KIAA1217: variants seen among roughly 807,000 people sequenced by gnomAD.
KIAA1217 encodes the protein KIAA1217.
KIAA1217 carries 88 observed loss-of-function variants against 163.9 expected under a neutral mutation model. The ratio of observed to expected loss-of-function variants is 0.54; its 90% CI spans 0.45 to 0.64. The LOEUF (loss-of-function observed/expected upper bound fraction) is 0.64. KIAA1217 is among the 30% of genes least tolerant of loss of function. The probability of loss-of-function intolerance (pLI) is 0.00; values close to 1 mark genes in which losing one functional copy is unlikely to be tolerated. For synonymous variants in KIAA1217, 903 were observed against 923.1 expected (o/e 0.98, Z 0.39); for missense variants, 2,372 against 2,475.0 (o/e 0.96, Z 0.88).
At chr10:24,011,307 G>A (rs764126569) in intron 2 of KIAA1217, among the ~76,000 whole-genome samples, 3 of 151,936 alleles carry the variant, frequency 2.0e-5, no homozygotes, top group African/African-American at 7.3e-5. Context: ...ACAACATAGC[G>A]AGACCCCATC....
chr10:24,535,851 T>TA (rs2073930024), intron 16 of KIAA1217, among the ~76,000 whole-genome samples: 1 of 100,924 alleles, frequency 9.9e-6, no homozygotes, highest in Non-Finnish European at 2.2e-5. Flanking sequence ...ACTTTGGGAG[T>TA]TAAAAAAAAA....
intron 3 of KIAA1217, among the ~76,000 whole-genome samples, chr10:24,406,759 A>G (rs768019302): frequency 9.2e-5 from 14 of 152,238 alleles, no homozygotes; most frequent in Non-Finnish European, 1.6e-4. Context: ...AATCAGGTGT[A>G]TTATTGAACA....
chr10:24,077,156 T>C (rs1478361163), intron 2 of KIAA1217, among the ~76,000 whole-genome samples: 1 of 152,122 alleles, frequency 6.6e-6, no homozygotes, highest in African/African-American at 2.4e-5. Context: ...AGATTACAGG[T>C]GTGAGCCACT....
chr10:24,452,222 C>T (rs894944727), intron 5 of KIAA1217, among the ~76,000 whole-genome samples: 3 of 152,154 alleles, frequency 2.0e-5, no homozygotes, highest in African/African-American at 7.2e-5. Flanking sequence ...GTCATAGATA[C>T]TCTGTCCGCT....
intron 2 of KIAA1217, among the ~76,000 whole-genome samples, chr10:24,321,291 T>A (rs1301508199): frequency 6.6e-6 from 1 of 152,078 alleles, no homozygotes; most frequent in Admixed American, 6.6e-5. Flanking sequence ...CCCAGCACTA[T>A]GAGAGGCTAA....
intron 1 of KIAA1217, among the ~76,000 whole-genome samples, chr10:23,946,408 C>T (rs1264759852): frequency 1.3e-5 from 2 of 150,720 alleles, no homozygotes; most frequent in African/African-American, 4.9e-5. Flanking sequence ...TGATTTATTT[C>T]AGGGGTTCAG....
chr10:23,856,386 G>A (rs1052354176), intron 1 of KIAA1217, among the ~76,000 whole-genome samples: 4 of 152,240 alleles, frequency 2.6e-5, no homozygotes, highest in Admixed American at 6.5e-5. Context: ...TGTCTCAGAA[G>A]AGTACCCGTC....
At chr10:24,486,904 C>T (rs2065474634) in intron 6 of KIAA1217, among the ~76,000 whole-genome samples, 1 of 152,136 alleles carries the variant, frequency 6.6e-6, no homozygotes, top group Non-Finnish European at 1.5e-5. Flanking sequence ...TTGTTCATGT[C>T]TATGTCCTTA....
chr10:23,720,311 T>G (rs963061563), intron 1 of KIAA1217, among the ~76,000 whole-genome samples: 4 of 152,194 alleles, frequency 2.6e-5, no homozygotes, highest in African/African-American at 9.7e-5. Flanking sequence ...ATGTCTAAAT[T>G]GTAAAACTAT....
intron 2 of KIAA1217, chr10:24,239,141 T>C: frequency 1.0e-6 from 1 of 985,222 alleles, no homozygotes; most frequent in South Asian, 4.7e-5. Context: ...AAAAGTCCTA[T>C]AGGCTACAAG....
At chr10:23,996,477 C>CT (rs1846489352) in intron 1 of KIAA1217, among the ~76,000 whole-genome samples, 1 of 152,026 alleles carries the variant, frequency 6.6e-6, no homozygotes, top group African/African-American at 2.4e-5. Context: ...CTGTTATTTT[C>CT]TTTTTTACTG....
chr10:24,199,920 G>T (rs772296274), intron 2 of KIAA1217, among the ~76,000 whole-genome samples: 12 of 151,896 alleles, frequency 7.9e-5, no homozygotes, highest in African/African-American at 2.9e-4. Context: ...CAGCATTTAG[G>T]AGACATTTTA....
At chr10:24,371,081 G>T (rs2051580035) in intron 2 of KIAA1217, among the ~76,000 whole-genome samples, 1 of 152,150 alleles carries the variant, frequency 6.6e-6, no homozygotes, top group Admixed American at 6.5e-5. Context: ...TCTTTAAATA[G>T]CTTTTGTCTC....
At chr10:24,193,108 G>A (rs930941520) in intron 2 of KIAA1217, among the ~76,000 whole-genome samples, 7 of 152,050 alleles carry the variant, frequency 4.6e-5, no homozygotes, top group African/African-American at 1.2e-4. Flanking sequence ...TTTGAGAGAC[G>A]GGGTCTTGCT....
chr10:24,148,601 T>A (rs920628787), intron 2 of KIAA1217, among the ~76,000 whole-genome samples: 2 of 152,162 alleles, frequency 1.3e-5, no homozygotes, highest in Admixed American at 1.3e-4. Flanking sequence ...CTCCTCACTC[T>A]CTTCTTGCTC....
chr10:24,241,382 T>C (rs945773153), intron 2 of KIAA1217, among the ~76,000 whole-genome samples: 4 of 152,204 alleles, frequency 2.6e-5, no homozygotes, highest in African/African-American at 9.6e-5. Context: ...TATATTTTTA[T>C]ATTAATTATG....
intron 1 of KIAA1217, among the ~76,000 whole-genome samples, chr10:23,702,129 T>TG (rs1387826569): frequency 6.6e-6 from 1 of 152,028 alleles, no homozygotes; most frequent in Non-Finnish European, 1.5e-5. Flanking sequence ...GCAGCAAAAA[T>TG]GGGGCCAACA....
At position 23,782,035 on chromosome 10, in the gene KIAA1217, G is replaced by A. The variant is rs1246130301; in HGVS notation, c.-321+86801G>A. Among the ~76,000 whole-genome samples, 5 of 151,758 alleles carry A rather than the reference G, an allele frequency of 3.3e-5. No individual in the cohort carries two copies. In the East Asian group the frequency reaches 7.7e-4, roughly 23 times the overall value. ...AACTTTGTTTTCGTTTTTCAAGATC[G>A]CTGTTTGGGGTTTTTGTAGTTCTAT... On this transcript the variant is annotated intron_variant, in intron 1 of 18. Transcript: ENST00000376462.
At chr10:24,268,225 T>C (rs1010650549) in intron 2 of KIAA1217, among the ~76,000 whole-genome samples, 2 of 152,206 alleles carry the variant, frequency 1.3e-5, no homozygotes, top group African/African-American at 4.8e-5. Context: ...AACTAGTAGT[T>C]TTCATGCACA....
Sources: allele counts gnomAD v4.1 joint callset (sites outside exome capture counted in the v4.1 genomes callset), GRCh38; gene constraint gnomAD v4.1.1; transcripts MANE v1.5; gene names NCBI Gene and HGNC (gene_info 2026-07-23, HGNC 2026-07-21).